The following DCDC2C variants were observed in gnomAD, a reference collection of about 807,000 sequenced individuals.
DCDC2C encodes doublecortin domain containing 2C.
Under a neutral mutation model 45.0 loss-of-function variants are expected in DCDC2C, and 44 were observed. The observed-to-expected ratio is 0.98, with a 90% CI of 0.77 to 1.26. DCDC2C has a LOEUF of 1.26. Among genes scored for constraint, DCDC2C ranks in the 50% most tolerant of loss-of-function variants. The pLI, the probability that DCDC2C is intolerant of heterozygous loss-of-function variation, is 0.00. For synonymous variants in DCDC2C, 187 were observed against 178.8 expected (o/e 1.05, Z -0.37); for missense variants, 447 against 468.9 (o/e 0.95, Z 0.43).
intron 2 of DCDC2C, among the ~76,000 whole-genome samples, chr2:3,714,565 C>CCATTCATTTAGACCACATTTTTGT (rs1312534808): frequency 9.9e-5 from 15 of 152,114 alleles, no homozygotes; most frequent in Non-Finnish European, 2.1e-4. Flanking sequence ...AACAAGTGTA[C>CCATTCATTTAGACCACATTTTTGT]CATTCATTTA....
intron 10 of DCDC2C, among the ~76,000 whole-genome samples, chr2:3,837,967 G>A (rs916915144): frequency 4.6e-5 from 7 of 152,194 alleles, no homozygotes; most frequent in Non-Finnish European, 1.0e-4. Context: ...ATACACAGAG[G>A]CAGGGCCATG....
intron 10 of DCDC2C, among the ~76,000 whole-genome samples, chr2:3,831,402 T>C (rs1023474230): frequency 6.6e-6 from 1 of 152,234 alleles, no homozygotes; most frequent in African/African-American, 2.4e-5. Flanking sequence ...TATTGCCTAT[T>C]GCCCAGACTG....
At chr2:3,819,752 T>A (rs781298396) in intron 10 of DCDC2C, among the ~76,000 whole-genome samples, 3 of 152,070 alleles carry the variant, frequency 2.0e-5, no homozygotes, top group Admixed American at 6.5e-5. Context: ...TTGGGAGAGA[T>A]AGGATAAAGA....
At position 3,838,672 on chromosome 2, in the gene DCDC2C, C is replaced by T. The variant is rs547408387; in HGVS notation, c.1066-8482C>T. Among the ~76,000 whole-genome samples the T allele has an allele frequency of 3.9e-5, 6 of 152,236 alleles. No homozygotes were observed. In the South Asian group the frequency reaches 1.2e-3, roughly 32 times the overall value. ...GTGGTGGGTGCAAGAACGGCCCCTA[C>T]CCACTTCCGTGGCTGGTGGTTCAAG... On this transcript the variant is annotated intron_variant, in intron 10 of 10. Coordinates refer to ENST00000399143, the MANE Select transcript of DCDC2C (RefSeq NM_001287444.2).
At chr2:3,754,928 C>T (rs945951055) in intron 6 of DCDC2C, among the ~76,000 whole-genome samples, 10 of 152,152 alleles carry the variant, frequency 6.6e-5, no homozygotes, top group African/African-American at 2.2e-4. Context: ...TGGACTTTTA[C>T]GGGACAGGGA....
intron 4 of DCDC2C, among the ~76,000 whole-genome samples, chr2:3,748,792 T>C (rs1394096098): frequency 1.3e-5 from 2 of 152,118 alleles, no homozygotes; most frequent in Admixed American, 6.6e-5. Flanking sequence ...GGACTTGTCA[T>C]CTCTCCTCTA....
At chr2:3,827,856 C>T (rs1416015824) in intron 10 of DCDC2C, among the ~76,000 whole-genome samples, 3 of 152,204 alleles carry the variant, frequency 2.0e-5, no homozygotes, top group African/African-American at 4.8e-5. Context: ...ACCCATTGGG[C>T]ATAACCAATA....
At chr2:3,791,178 T>G (rs1188755885) in intron 10 of DCDC2C, among the ~76,000 whole-genome samples, 2 of 152,244 alleles carry the variant, frequency 1.3e-5, no homozygotes, top group Non-Finnish European at 2.9e-5. Flanking sequence ...GAGATTCATT[T>G]GGACTCAAAT....
intron 10 of DCDC2C, among the ~76,000 whole-genome samples, chr2:3,837,759 G>T (rs200640093): frequency 2.6e-5 from 4 of 151,682 alleles, no homozygotes; most frequent in Non-Finnish European, 4.4e-5. Context: ...CAAGAGAGGC[G>T]ATAACTGCTG....
intron 10 of DCDC2C, among the ~76,000 whole-genome samples, chr2:3,807,818 G>C (rs1288135238): frequency 6.6e-6 from 1 of 152,036 alleles, no homozygotes; most frequent in Non-Finnish European, 1.5e-5. Flanking sequence ...TCATAGGCTG[G>C]AATTATGGAG....
chr2:3,706,392 AT>A (rs1046138565), intron 1 of DCDC2C, among the ~76,000 whole-genome samples: 14 of 152,176 alleles, frequency 9.2e-5, no homozygotes, highest in African/African-American at 1.2e-4. Flanking sequence ...AAAGGACATA[AT>A]TTTTTTCTTT....
intron 3 of DCDC2C, among the ~76,000 whole-genome samples, chr2:3,737,348 G>A (rs1669060503): frequency 6.6e-6 from 1 of 152,214 alleles, no homozygotes; most frequent in Non-Finnish European, 1.5e-5. Flanking sequence ...CCAGGATGAG[G>A]GGAGGGCGCA....
chr2:3,813,540 C>G (rs1177137904), intron 10 of DCDC2C, among the ~76,000 whole-genome samples: 1 of 151,950 alleles, frequency 6.6e-6, no homozygotes, highest in East Asian at 1.9e-4. Context: ...TTGTGGGAGT[C>G]TAAGTCTCTT....
chr2:3,750,508 G>A (rs990423752), intron 4 of DCDC2C, among the ~76,000 whole-genome samples: 2 of 152,102 alleles, frequency 1.3e-5, no homozygotes, highest in Non-Finnish European at 2.9e-5. Flanking sequence ...TTCTGTTTAC[G>A]TGAGGGTCTG....
rs1297259726 is a variant in DCDC2C, at chr2:3,761,207, T to C, written c.727-6547T>C. ...AATTGCATTCACATATTAAAATGAATGTTTTATGGTTCAGGCTTCTGTGAA... is the reference window on the plus strand; with the variant it reads ...AATTGCATTCACATATTAAAATGAACGTTTTATGGTTCAGGCTTCTGTGAA... On this transcript the variant is annotated intron_variant, in intron 6 of 10. Coordinates refer to ENST00000399143, the MANE Select transcript of DCDC2C (RefSeq NM_001287444.2). The surrounding 1 kb of genome is among the most constrained non-coding windows in gnomAD (Gnocchi z 4.3). Among the ~76,000 whole-genome samples the C allele has an allele frequency of 3.3e-5, 5 of 152,242 alleles. No homozygotes were observed. The highest frequency in any genetic ancestry group is 6.5e-5 in the Admixed American group (1 of 15,282).
chr2:3,819,418 A>G (rs1252080384), intron 10 of DCDC2C, among the ~76,000 whole-genome samples: 3 of 152,218 alleles, frequency 2.0e-5, no homozygotes, highest in Non-Finnish European at 4.4e-5. Context: ...CAGCTTAGAC[A>G]TTTCAAAGTT....
intron 1 of DCDC2C, among the ~76,000 whole-genome samples, chr2:3,704,870 C>G (rs1445223925): frequency 6.6e-6 from 1 of 152,096 alleles, no homozygotes; most frequent in Non-Finnish European, 1.5e-5. Flanking sequence ...TAAACTATTG[C>G]CCTCCCACGG....
At chr2:3,743,095 G>T (rs1196598720) in intron 4 of DCDC2C, among the ~76,000 whole-genome samples, 2 of 152,114 alleles carry the variant, frequency 1.3e-5, no homozygotes, top group East Asian at 3.9e-4. Context: ...AGAGAACAGG[G>T]GCAGCTGGAC....
At chr2:3,711,663 T>C (rs1035038668) in intron 2 of DCDC2C, among the ~76,000 whole-genome samples, 3 of 152,202 alleles carry the variant, frequency 2.0e-5, no homozygotes, top group Non-Finnish European at 4.4e-5. Context: ...TTATCATAAT[T>C]ATGTAGCTCA....
Sources: gnomAD v4.1 joint callset for allele counts (sites outside exome capture counted in the v4.1 genomes callset) on GRCh38, gnomAD v4.1.1 for gene constraint, Gnocchi (gnomAD v3.1) non-coding constraint, MANE v1.5 for transcripts, NCBI Gene and HGNC (gene_info 2026-07-23, HGNC 2026-07-21) for gene names.